The following DYNC1I1 variants were observed in gnomAD, a reference collection of about 807,000 sequenced individuals.
The protein encoded by DYNC1I1 is dynein cytoplasmic 1 intermediate chain 1.
A neutral mutation model predicts 86.6 loss-of-function variants in DYNC1I1; 43 were observed. That is an observed-to-expected ratio of 0.50 (90% CI 0.39 to 0.64). The LOEUF (loss-of-function observed/expected upper bound fraction) is 0.64. Ranked by LOEUF, DYNC1I1 falls within the 30% of genes least tolerant of loss-of-function variation. The probability of loss-of-function intolerance (pLI) is 0.00; values close to 1 mark genes in which losing one functional copy is unlikely to be tolerated. For missense variants in DYNC1I1, 604 were observed against 788.8 expected (o/e 0.77, Z 2.81); for synonymous variants, 262 against 283.7 (o/e 0.92, Z 0.77).
intron 16 of DYNC1I1, among the ~76,000 whole-genome samples, chr7:96,095,169 A>T (rs1790964916): frequency 6.6e-6 from 1 of 152,134 alleles, no homozygotes; most frequent in Non-Finnish European, 1.5e-5. Context: ...GATAAAACTC[A>T]TTTTTATGAA....
chr7:96,102,702 T>TCA (rs1791153342), downstream of DYNC1I1, among the ~76,000 whole-genome samples: 1 of 152,136 alleles, frequency 6.6e-6, no homozygotes, highest in Non-Finnish European at 1.5e-5. Context: ...GGCCATAAAA[T>TCA]CAGCAGATGC....
At chr7:96,064,458 A>G (rs1291095764) in intron 14 of DYNC1I1, among the ~76,000 whole-genome samples, 1 of 152,134 alleles carries the variant, frequency 6.6e-6, no homozygotes, top group Non-Finnish European at 1.5e-5. Flanking sequence ...ACGATTTTTC[A>G]TATAGCTTTC....
At chr7:95,897,377 A>G (rs951137370) in intron 6 of DYNC1I1, among the ~76,000 whole-genome samples, 2 of 151,920 alleles carry the variant, frequency 1.3e-5, no homozygotes, top group Non-Finnish European at 2.9e-5. Context: ...CCATATAGAA[A>G]GTCACCTCTC....
At chr7:95,932,034 A>T (rs998770984) in intron 6 of DYNC1I1, among the ~76,000 whole-genome samples, 34 of 152,214 alleles carry the variant, frequency 2.2e-4, no homozygotes, top group Admixed American at 1.8e-3. Flanking sequence ...AAATGGTATT[A>T]TATAGTACAT....
chr7:96,063,820 A>G (rs1789867344), intron 14 of DYNC1I1, among the ~76,000 whole-genome samples: 1 of 152,232 alleles, frequency 6.6e-6, no homozygotes, highest in Admixed American at 6.5e-5. Flanking sequence ...TTTCATTATC[A>G]CAATTGATCC....
chr7:95,975,050 G>T (rs997944215), intron 6 of DYNC1I1, among the ~76,000 whole-genome samples: 1 of 152,140 alleles, frequency 6.6e-6, no homozygotes, highest in Non-Finnish European at 1.5e-5. Flanking sequence ...TGTGGTTGCA[G>T]TTCCTTCGGG....
chr7:95,966,545 CT>C (rs1490279797), intron 6 of DYNC1I1, among the ~76,000 whole-genome samples: 3 of 152,146 alleles, frequency 2.0e-5, no homozygotes, highest in African/African-American at 7.2e-5. Flanking sequence ...TACTGTTTAG[CT>C]GTAGAAATGG....
chr7:95,847,758 G>A (rs1028728402), intron 5 of DYNC1I1, among the ~76,000 whole-genome samples: 1 of 152,080 alleles, frequency 6.6e-6, no homozygotes, highest in Non-Finnish European at 1.5e-5. Flanking sequence ...TTAGTCTCCA[G>A]ATCTTTGTAT....
chr7:95,851,707 C>T lies in DYNC1I1; in HGVS notation c.375-18176C>T, dbSNP rs112864912. On this transcript the variant is annotated intron_variant, in intron 5 of 16. Transcript: ENST00000447467. ...AGACCAGAGTTTCGCTCTTGTTGCC[C>T]AGGCTGGTGTGCAATGTCATGATCT... Among the ~76,000 whole-genome samples, 1,467 of 152,252 alleles carry T rather than the reference C, an allele frequency of 9.6e-3. 16 individuals carry two copies. The highest frequency in any genetic ancestry group is 0.033 in the African/African-American group (1,386 of 41,544).
In DYNC1I1 at chr7:96,032,670, C is replaced by T. The variant is rs1275980376; in HGVS notation, c.1120C>T (p.Pro374Ser). The change falls in exon 12 of 17, where the codon CCC becomes TCC. Residue 374 changes from proline (P) to serine (S), a missense_variant. Pro to Ser is a moderately conservative substitution (Grantham distance 74, BLOSUM62 -1). Coordinates refer to ENST00000447467, the MANE Select transcript of DYNC1I1 (RefSeq NM_001135556.2). The part of the protein sequence containing the change: ...TPLSAAAHTH[P>S]VYCVNVVGTQ... ...CTCTTTGTTTATGTTTTTGCAGCAT[C>T]CCGTGTACTGTGTAAATGTTGTTGG... 6.2e-7 allele frequency: 1 copy of T among 1,612,636 alleles called. No individual in the cohort carries two copies. Among genetic ancestry groups the T allele is most frequent in the Admixed American group, 1.7e-5 (1 of 59,952 alleles).
At chr7:96,036,577 A>G (rs900295079) in intron 13 of DYNC1I1, among the ~76,000 whole-genome samples, 1 of 152,138 alleles carries the variant, frequency 6.6e-6, no homozygotes, top group Non-Finnish European at 1.5e-5. Context: ...TTACTACATT[A>G]TTTCCATTTC....
chr7:95,818,055 T>C (rs972479548), intron 4 of DYNC1I1, among the ~76,000 whole-genome samples: 1 of 152,198 alleles, frequency 6.6e-6, no homozygotes, highest in African/African-American at 2.4e-5. Context: ...TTAAAACATC[T>C]CTCAACGTGA....
chr7:95,867,392 T>C (rs1008727268), intron 5 of DYNC1I1, among the ~76,000 whole-genome samples: 1 of 152,200 alleles, frequency 6.6e-6, no homozygotes, highest in African/African-American at 2.4e-5. Context: ...ATAAGAAACA[T>C]GAGGCTTAGA....
At chr7:95,919,164 A>G (rs1791549136) in intron 6 of DYNC1I1, among the ~76,000 whole-genome samples, 1 of 152,170 alleles carries the variant, frequency 6.6e-6, no homozygotes, top group African/African-American at 2.4e-5. Flanking sequence ...CATTCTTGCA[A>G]ATTAGCAATT....
intron 4 of DYNC1I1, among the ~76,000 whole-genome samples, chr7:95,817,816 C>T (rs1794980592): frequency 6.6e-6 from 1 of 152,196 alleles, no homozygotes. Context: ...ATTCAGCCAA[C>T]ATTTATTCTT....
intron 14 of DYNC1I1, among the ~76,000 whole-genome samples, chr7:96,061,200 G>A (rs1334291994): frequency 6.6e-6 from 1 of 152,168 alleles, no homozygotes; most frequent in Non-Finnish European, 1.5e-5. Flanking sequence ...AAGGAGCGAA[G>A]GGGAAAACAC....
intron 6 of DYNC1I1, among the ~76,000 whole-genome samples, chr7:95,976,759 A>G (rs1370511719): frequency 6.6e-6 from 1 of 152,154 alleles, no homozygotes; most frequent in African/African-American, 2.4e-5. Context: ...TAAACCTTCT[A>G]CACTGTGCCT....
At chr7:95,777,073 C>T (rs1370983706) in intron 1 of DYNC1I1, among the ~76,000 whole-genome samples, 1 of 151,922 alleles carries the variant, frequency 6.6e-6, no homozygotes, top group Non-Finnish European at 1.5e-5. Context: ...GTGTGGGACA[C>T]CAAAAAAAGT....
At chr7:96,071,732 A>T (rs758385919) in intron 14 of DYNC1I1, among the ~76,000 whole-genome samples, 2 of 152,232 alleles carry the variant, frequency 1.3e-5, no homozygotes, top group Non-Finnish European at 2.9e-5. Flanking sequence ...TATAGATAAC[A>T]TCCTCAGGAT....
Sources: allele counts gnomAD v4.1 joint callset (sites outside exome capture counted in the v4.1 genomes callset), GRCh38; gene constraint gnomAD v4.1.1; transcripts MANE v1.5; gene names NCBI Gene and HGNC (gene_info 2026-07-23, HGNC 2026-07-21).